The following DCC variants were observed in gnomAD, a reference collection of about 807,000 sequenced individuals.
DCC encodes the protein netrin receptor DCC.
Under a neutral mutation model 172.5 loss-of-function variants are expected in DCC, and 58 were observed. The ratio of observed to expected loss-of-function variants is 0.34; its 90% confidence interval spans 0.27 to 0.42. The LOEUF is 0.42. DCC is among the 10% of genes least tolerant of loss of function. The probability of loss-of-function intolerance (pLI) is 1.00; values close to 1 mark genes in which losing one functional copy is unlikely to be tolerated. For synonymous variants in DCC, 709 were observed against 644.5 expected (o/e 1.10, Z -1.52); for missense variants, 1,740 against 1,791.0 (o/e 0.97, Z 0.51).
intron 5 of DCC, among the ~76,000 whole-genome samples, chr18:52,996,131 C>T (rs1013667924): frequency 1.3e-5 from 2 of 152,016 alleles, no homozygotes; most frequent in African/African-American, 4.8e-5. Context: ...ATGTTTAGTA[C>T]TGCATAGCGA....
intron 10 of DCC, 101 bp downstream of exon 10, chr18:53,205,465 G>T: frequency 2.7e-6 from 3 of 1,124,586 alleles, no homozygotes; most frequent in Non-Finnish European, 4.1e-6. Context: ...GCAAACTCTT[G>T]AAACAGCCCA....
intron 8 of DCC, among the ~76,000 whole-genome samples, chr18:53,178,207 C>G (rs551168572): frequency 6.6e-5 from 10 of 152,284 alleles, no homozygotes; most frequent in Middle Eastern, 3.4e-3. Context: ...GTTACCATTT[C>G]TAAAATGTCA....
chr18:53,480,271 C>T (rs2045816434), intron 25 of DCC, among the ~76,000 whole-genome samples: 2 of 152,176 alleles, frequency 1.3e-5, no homozygotes, highest in South Asian at 4.1e-4. Context: ...TAACACATAG[C>T]TCCTGCTGTG....
chr18:53,517,647 G>A (rs2046352592), intron 27 of DCC, among the ~76,000 whole-genome samples: 2 of 152,102 alleles, frequency 1.3e-5, no homozygotes, highest in South Asian at 4.1e-4. Context: ...ACAATGGGAG[G>A]AGGAGAAAGG....
chr18:53,119,147 A>G (rs2043447493), intron 7 of DCC, among the ~76,000 whole-genome samples: 1 of 151,822 alleles, frequency 6.6e-6, no homozygotes, highest in African/African-American at 2.4e-5. Flanking sequence ...GTACAAAGTC[A>G]GAGACCAATG....
At chr18:53,271,264 T>G (rs1281285730) in intron 12 of DCC, among the ~76,000 whole-genome samples, 1 of 152,148 alleles carries the variant, frequency 6.6e-6, no homozygotes, top group Non-Finnish European at 1.5e-5. Context: ...AAAGGAGGTT[T>G]TTAACTACAT....
intron 2 of DCC, among the ~76,000 whole-genome samples, chr18:52,871,322 C>T (rs945786686): frequency 6.9e-6 from 1 of 145,498 alleles, no homozygotes; most frequent in Non-Finnish European, 1.5e-5. Flanking sequence ...AGAACAGTGT[C>T]TTTTTTTTTT....
At chr18:53,356,025 C>A (rs767146085) in intron 15 of DCC, among the ~76,000 whole-genome samples, 6 of 152,038 alleles carry the variant, frequency 3.9e-5, no homozygotes, top group Non-Finnish European at 7.4e-5. Flanking sequence ...CTCAGAACTG[C>A]AATTAAACAG....
chr18:52,661,451 A>T (rs935186953), intron 1 of DCC, among the ~76,000 whole-genome samples: 6 of 152,150 alleles, frequency 3.9e-5, no homozygotes, highest in African/African-American at 1.4e-4. Context: ...GAAAATAGGG[A>T]CTAAGTGAAA....
chr18:53,530,153 C>T, intron 28 of DCC: 1 of 602,064 alleles, frequency 1.7e-6, no homozygotes, highest in Non-Finnish European at 3.0e-6. Flanking sequence ...TATGCCAGAC[C>T]CTATCATGGG....
At chr18:53,496,802 T>A (rs1445962978) in intron 26 of DCC, among the ~76,000 whole-genome samples, 1 of 152,144 alleles carries the variant, frequency 6.6e-6, no homozygotes. Context: ...CTGATGGAGC[T>A]GAAAAACACA....
At chr18:53,248,434 A>G (rs2056390645) in intron 12 of DCC, among the ~76,000 whole-genome samples, 1 of 151,964 alleles carries the variant, frequency 6.6e-6, no homozygotes, top group Admixed American at 6.6e-5. Context: ...AGCAATGGAA[A>G]ACCACTTTCA....
intron 5 of DCC, among the ~76,000 whole-genome samples, chr18:52,968,999 A>G (rs567700674): frequency 6.6e-6 from 1 of 151,934 alleles, no homozygotes; most frequent in African/African-American, 2.4e-5. Context: ...TGTAAGTTGC[A>G]TTAAAAAACA....
intron 7 of DCC, among the ~76,000 whole-genome samples, chr18:53,135,563 G>A (rs2043728551): frequency 6.6e-6 from 1 of 152,058 alleles, no homozygotes. Flanking sequence ...CTTCCAGTGT[G>A]GGTACAGTTA....
At chr18:53,458,707 T>C (rs1298493868) in intron 23 of DCC, among the ~76,000 whole-genome samples, 1 of 152,254 alleles carries the variant, frequency 6.6e-6, no homozygotes, top group Admixed American at 6.5e-5. Context: ...CTCCTAAGAA[T>C]ATCCTCATGT....
At chr18:52,408,514 C>T (rs1017414133) in intron 1 of DCC, among the ~76,000 whole-genome samples, 8 of 151,964 alleles carry the variant, frequency 5.3e-5, no homozygotes, top group Admixed American at 4.6e-4. Context: ...CTGATGTGGA[C>T]CATAAAACAA....
intron 2 of DCC, among the ~76,000 whole-genome samples, chr18:52,793,758 CTA>C (rs1352661940): frequency 1.3e-5 from 2 of 152,086 alleles, no homozygotes; most frequent in Non-Finnish European, 2.9e-5. Context: ...TCCAGTAGTT[CTA>C]TGTTTTTGAG....
chr18:52,870,264 C>T (rs534949135), intron 2 of DCC, among the ~76,000 whole-genome samples: 12 of 151,982 alleles, frequency 7.9e-5, no homozygotes, highest in Non-Finnish European at 1.3e-4. Context: ...GTAGCAGGTC[C>T]CGTGGGGGTG....
chr18:52,606,348 A>G (rs1275304717), intron 1 of DCC, among the ~76,000 whole-genome samples: 2 of 152,094 alleles, frequency 1.3e-5, no homozygotes, highest in African/African-American at 4.8e-5. Flanking sequence ...TACTTGCCCT[A>G]TTGGATTTTG....
Sources: allele counts gnomAD v4.1 joint callset (sites outside exome capture counted in the v4.1 genomes callset), GRCh38; gene constraint gnomAD v4.1.1; transcripts MANE v1.5; gene names NCBI Gene and HGNC (gene_info 2026-07-23, HGNC 2026-07-21).